Variants in AIRE observed in about 807,000 individuals in gnomAD.
AIRE encodes autoimmune polyendocrinopathy candidiasis ectodermal dystrophy protein.
In AIRE, 52 loss-of-function variants were observed where a neutral mutation model predicts 62.1. The ratio of observed to expected loss-of-function variants is 0.84; its 90% CI spans 0.67 to 1.06. The LOEUF (loss-of-function observed/expected upper bound fraction) is 1.06. AIRE is among the 50% of genes least tolerant of loss of function. AIRE has a pLI of 0.00. For synonymous variants in AIRE, 342 were observed against 321.6 expected, an observed-to-expected ratio of 1.06 and a Z score of -0.68; for missense variants, 774 against 755.8, an observed-to-expected ratio of 1.02 and a Z score of -0.28.
intron 12 of AIRE, among the ~76,000 whole-genome samples, chr21:44,296,127 T>C (rs2040604392): frequency 6.6e-6 from 1 of 152,090 alleles, no homozygotes; most frequent in African/African-American, 2.4e-5. Flanking sequence ...AGCTCCCTCG[T>C]TTTCCCCAGG....
At chr21:44,294,226 A>C (rs1024747324) in intron 11 of AIRE, 175 bp from the exon 12 acceptor site, 7 of 190,340 alleles carry the variant, frequency 3.7e-5, no homozygotes, top group East Asian at 1.3e-4. Flanking sequence ...CCTACACCCA[A>C]CCCAAACCCA....
Position 44,293,855 on chromosome 21 carries a change from T to G in AIRE, c.1345T>G (p.Cys449Gly). 1 of 1,596,836 alleles carries G rather than the reference T, an allele frequency of 6.3e-7. No homozygotes were observed. Among genetic ancestry groups the G allele is most frequent in the Non-Finnish European group, 8.5e-7 (1 of 1,179,554 alleles). The part of the protein sequence containing the change: ...DGTDVLRCTH[C>G]AAAFHWRCHF... ...TACGGACGTGCTGCGGTGTACTCAC[T>G]GCGCCGCTGCCTTCCACTGGCGCTG... Residue 449 changes from cysteine (C) to glycine (G), a missense_variant, in exon 11 of 14, where the codon TGC becomes GGC. By Grantham distance (159) the Cys-to-Gly change is radical (BLOSUM62 -3). Transcript: ENST00000291582.
At position 44,287,133 on chromosome 21, in the gene AIRE, G is replaced by A. The variant is rs193922418; in HGVS notation, c.463G>A (p.Gly155Ser). 6.2e-7 allele frequency: 1 copy of A among 1,612,098 alleles called. No individual in the cohort carries two copies. The highest frequency in any genetic ancestry group is 8.5e-7 in the Non-Finnish European group (1 of 1,179,900). The change falls in exon 3 of 14, where the codon GGC becomes AGC. Residue 155 changes from glycine (G) to serine (S), a missense_variant and splice_region_variant. Transcript: ENST00000291582. The surrounding 1 kb of genome is among the most constrained non-coding windows in gnomAD (Gnocchi z 4.3). ...GACTCCAAGGGGCACCGCCAGCCCA[G>A]GTACCCTCCCTGCAGGGGAAGCCAG... ...ALTPRGTASP[G>S]SQLKAKPPKK...
chr21:44,294,362 T>TC (rs757763493), intron 11 of AIRE, 39 bp from the exon 12 acceptor site: 30 of 1,395,962 alleles, frequency 2.1e-5, no homozygotes, highest in South Asian at 1.3e-4. Context: ...GCACTCCTGC[T>TC]CCCCCCCAGG....
rs746154390 is a variant in AIRE at position 44,289,794 on chromosome 21, G to C, written c.790G>C (p.Ala264Pro). Residue 264 changes from alanine (A) to proline (P), a missense_variant, in exon 6 of 14, where the codon GCT becomes CCT. Transcript: ENST00000291582. Reference protein sequence around the residue: ...PLVRAKGAQGAAPGGGEARLG... With the variant: ...PLVRAKGAQGPAPGGGEARLG... Reference sequence around the variant, plus strand: ...GGTTCGAGCCAAGGGAGCCCAGGGCGCTGCCCCCGTAAGCACCTGACCTTC... The same window carrying C: ...GGTTCGAGCCAAGGGAGCCCAGGGCCCTGCCCCCGTAAGCACCTGACCTTC... 1.2e-6 allele frequency: 2 copies of C among 1,612,588 alleles called. No individual in the cohort carries two copies. Among genetic ancestry groups the C allele is most frequent in the South Asian group, 1.1e-5 (1 of 91,082 alleles).
At chr21:44,290,753 A>G in intron 7 of AIRE, 3 of 1,438,426 alleles carry the variant, frequency 2.1e-6, no homozygotes, top group Non-Finnish European at 2.8e-6. Context: ...GCAGGCGCTG[A>G]GGTCGGGAGA....
chr21:44,293,653 G>C (rs908346807), intron 10 of AIRE, 136 bp from the exon 11 acceptor site: 1 of 1,414,290 alleles, frequency 7.1e-7, no homozygotes, highest in African/African-American at 1.4e-5. Flanking sequence ...GCGTGGCACC[G>C]TGAGGCTCCT....
At chr21:44,292,972 A>T in intron 9 of AIRE, 21 bp from the exon 10 acceptor site, 1 of 1,610,524 alleles carries the variant, frequency 6.2e-7, no homozygotes, top group East Asian at 2.2e-5. Flanking sequence ...TGCCCCTCTG[A>T]TGCTGACCCT....
At chr21:44,290,179 C>A in intron 7 of AIRE, 111 bp downstream of exon 7, 1 of 1,534,944 alleles carries the variant, frequency 6.5e-7, no homozygotes, top group Non-Finnish European at 8.8e-7. Flanking sequence ...GGGGCCTGAG[C>A]CCCTACCCAC....
Position 44,289,691 on chromosome 21 carries a change from G to A in AIRE, c.687G>A (p.Glu229=). ...AGAAGTGCATCCAGGTTGGCGGGGA[G>A]TTCTACACTCCCAGCAAGTTCGAAG... The part of the protein sequence containing the change: ...GSKKCIQVGG[E]FYTPSKFEDS... Residue 229 remains glutamate (E), a synonymous_variant, in exon 6 of 14, where the codon GAG becomes GAA. Transcript: ENST00000291582. The A allele has an allele frequency of 1.9e-6, 3 of 1,612,842 alleles. No homozygotes were observed. The highest frequency in any genetic ancestry group is 2.5e-6 in the Non-Finnish European group (3 of 1,179,984).
chr21:44,291,917 C>G (rs1016351827), intron 8 of AIRE, among the ~76,000 whole-genome samples: 2 of 152,182 alleles, frequency 1.3e-5, no homozygotes, highest in African/African-American at 2.4e-5. Flanking sequence ...TCCTCCTTGC[C>G]GTCTCTTTCT....
rs72650679 is a variant in AIRE, at chr21:44,294,476, C to T, written c.1476C>T (p.Pro492=). ...APVEGVLAPS[P]ARLAPGPAKD... ...TGGAGGGGGTGCTGGCCCCCAGCCCCGCCCGCCTGGCCCCTGGGCCTGCCA... is the reference window on the plus strand; with the variant it reads ...TGGAGGGGGTGCTGGCCCCCAGCCCTGCCCGCCTGGCCCCTGGGCCTGCCA... The change falls in exon 12 of 14, where the codon CCC becomes CCT. Residue 492 remains proline, a synonymous_variant. Transcript: ENST00000291582. 2,460 of 1,542,820 alleles carry T rather than the reference C, an allele frequency of 1.6e-3. 2 individuals are homozygous for T. Among genetic ancestry groups the T allele is most frequent in the Non-Finnish European group, 2.0e-3 (2,343 of 1,150,434 alleles).
intron 13 of AIRE, among the ~76,000 whole-genome samples, chr21:44,296,986 G>T (rs1271982687): frequency 6.6e-6 from 1 of 152,240 alleles, no homozygotes; most frequent in East Asian, 1.9e-4. Flanking sequence ...AGCCTCCACG[G>T]GTTCTCCTCA....
At chr21:44,290,201 CTT>C in intron 7 of AIRE, 133 bp downstream of exon 7, 1 of 1,506,146 alleles carries the variant, frequency 6.6e-7, no homozygotes, top group Non-Finnish European at 8.9e-7. Flanking sequence ...GGGTACAGCT[CTT>C]TTTCTTTAAT....
Position 44,297,615 on chromosome 21 carries a change from G to T in AIRE, c.1567-41G>T. On this transcript the variant is annotated intron_variant, in intron 13 of 13. Transcript: ENST00000291582. The surrounding 1 kb of genome is among the most constrained non-coding windows in gnomAD (Gnocchi z 4.8). ...TGGCCATGATTCTGTGGCTGCGGCG[G>T]GGGCGCACCTGGAGGTTCTCACCGT... The T allele has an allele frequency of 1.3e-6, 2 of 1,531,306 alleles. No individual in the cohort carries two copies. The highest frequency in any genetic ancestry group is 1.1e-5 in the South Asian group (1 of 89,484). The allele number at this position is 1,531,306 out of a possible 1,614,324, so 94.9% of individuals were successfully genotyped here.
intron 9 of AIRE, 62 bp downstream of exon 9, chr21:44,292,463 TA>T: frequency 8.6e-7 from 1 of 1,160,186 alleles, no homozygotes; most frequent in Non-Finnish European, 1.2e-6. Context: ...CGCCCCCTCC[TA>T]GGCTGGGCCA....
In AIRE at chr21:44,297,475, G is replaced by A. The variant is rs1872288415; in HGVS notation, c.1567-181G>A. Among the ~76,000 whole-genome samples the A allele has an allele frequency of 6.6e-6, 1 of 152,240 alleles. No individual in the cohort carries two copies. The highest frequency in any genetic ancestry group is 2.4e-5 in the African/African-American group (1 of 41,474). ...AGTTTCCCCACCTTTGATGGAATAC[G>A]GTGAAGTGCACAGGACAGGGTCCTC... On this transcript the variant is annotated intron_variant, in intron 13 of 13. Transcript: ENST00000291582. This position sits in a 1 kb window ranked among gnomAD's most constrained non-coding sequence, Gnocchi z 4.8.
chr21:44,292,843 C>A (rs1321309984), intron 9 of AIRE, 150 bp from the exon 10 acceptor site: 5 of 666,846 alleles, frequency 7.5e-6, no homozygotes, highest in Non-Finnish European at 1.3e-5. Context: ...AGTGTGGACG[C>A]CTTCCACCAT....
chr21:44,295,560 G>A (rs114648944), intron 12 of AIRE, among the ~76,000 whole-genome samples: 145 of 152,306 alleles, frequency 9.5e-4, no homozygotes, highest in African/African-American at 3.2e-3. Flanking sequence ...AACTGCTCCC[G>A]CAGCGGGTAC....
Sources: allele counts gnomAD v4.1 joint callset (sites outside exome capture counted in the v4.1 genomes callset), GRCh38; gene constraint gnomAD v4.1.1; non-coding constraint Gnocchi (gnomAD v3.1); transcripts MANE v1.5; gene names NCBI Gene and HGNC (gene_info 2026-07-23, HGNC 2026-07-21).